The following OSR2 variants were observed in gnomAD, a reference collection of about 807,000 sequenced individuals.
OSR2 encodes protein odd-skipped-related 2.
OSR2 carries 8 observed loss-of-function variants against 22.3 expected under a neutral mutation model. The ratio of observed to expected loss-of-function variants is 0.36; its 90% CI spans 0.21 to 0.65. The LOEUF is 0.65. Among genes scored for constraint, OSR2 ranks in the 30% least tolerant of loss-of-function variants. OSR2 has a pLI of 0.66. For missense variants in OSR2, 311 were observed against 413.4 expected (o/e 0.75, Z 2.15); for synonymous variants, 179 against 173.8 (o/e 1.03, Z -0.23).
rs1052426408 is a variant in OSR2 at position 98,948,277 on chromosome 8, G to T, written c.-114-562G>T. 2.0e-6 allele frequency: 3 copies of T among 1,516,490 alleles called. No homozygotes were observed. The highest frequency in any genetic ancestry group is 2.6e-6 in the Non-Finnish European group (3 of 1,135,392). 93.9% of individuals were successfully genotyped at this position (1,516,490 alleles called of 1,614,324 possible). A position where few individuals can be genotyped will look rare whatever the true frequency, so the allele number is the denominator to read the frequency against. ...TGGCCCAGGAGGATGAAGCGCGCCG[G>T]CTTCGCTCTTGCACGCCGGCTTGCC... is the stretch of plus-strand genomic sequence containing the variant. On this transcript the variant is annotated intron_variant, in intron 1 of 3. Coordinates refer to ENST00000297565, the MANE Select transcript of OSR2 (RefSeq NM_001142462.3). This position sits in a 1 kb window ranked among gnomAD's most constrained non-coding sequence, Gnocchi z 6.0.
chr8:98,950,971 T>A (rs561708059), intron 3 of OSR2: 2 of 603,288 alleles, frequency 3.3e-6, no homozygotes, highest in East Asian at 5.5e-5. Flanking sequence ...GCCACTTTGA[T>A]TATCATAAAT....
In OSR2 at chr8:98,948,070, G is replaced by T; in HGVS notation, c.-114-769G>T. On this transcript the variant is annotated intron_variant, in intron 1 of 3. Transcript: ENST00000297565. The surrounding 1 kb of genome is among the most constrained non-coding windows in gnomAD (Gnocchi z 6.0). ...ACCATCTGGAAGGGATCTTAGTCGG[G>T]GGTTGGGAGGAGAGCCCGTGGATAG... The T allele has an allele frequency of 7.7e-7, 1 of 1,301,108 alleles. No individual in the cohort carries two copies. Among genetic ancestry groups the T allele is most frequent in the South Asian group, 2.1e-5 (1 of 47,976 alleles). The allele number at this position is 1,301,108 out of a possible 1,614,324, so 80.6% of individuals were successfully genotyped here. A position where few individuals can be genotyped will look rare whatever the true frequency, so the allele number is the denominator to read the frequency against.
rs539132239 is a variant in OSR2 at position 98,948,273 on chromosome 8, G to A, written c.-114-566G>A. 1.3e-3 allele frequency: 1,905 copies of A among 1,513,224 alleles called. 6 individuals are homozygous for A. Among genetic ancestry groups the A allele is most frequent in the Middle Eastern group, 1.5e-3 (9 of 5,908 alleles). 93.7% of individuals were successfully genotyped at this position (1,513,224 alleles called of 1,614,324 possible). On this transcript the variant is annotated intron_variant, in intron 1 of 3. Transcript: ENST00000297565. The surrounding 1 kb of genome is among the most constrained non-coding windows in gnomAD (Gnocchi z 6.0). ...CCTCTGGCCCAGGAGGATGAAGCGC[G>A]CCGGCTTCGCTCTTGCACGCCGGCT...
chr8:98,946,265 A>T (rs973894756), intron 1 of OSR2: 6 of 152,282 alleles, frequency 3.9e-5, no homozygotes, highest in African/African-American at 1.4e-4. Context: ...ACAGCAGATG[A>T]TGATCGCTGT....
chr8:98,948,710 T>G lies in OSR2; in HGVS notation c.-114-129T>G. ...AGGTGCCACGCAGTCCCCTCACGGC[T>G]TTCGGGGGGTCTTGGAGTCGGGTGG... On this transcript the variant is annotated intron_variant, in intron 1 of 3. Transcript: ENST00000297565. This position sits in a 1 kb window ranked among gnomAD's most constrained non-coding sequence, Gnocchi z 6.0. 2.5e-6 allele frequency: 3 copies of G among 1,219,386 alleles called. No individual in the cohort carries two copies. The highest frequency in any genetic ancestry group is 3.3e-6 in the Non-Finnish European group (3 of 901,506). 75.5% of individuals were successfully genotyped at this position (1,219,386 alleles called of 1,614,324 possible).
chr8:98,950,971 T>C (rs561708059), intron 3 of OSR2: 3 of 603,170 alleles, frequency 5.0e-6, no homozygotes, highest in Non-Finnish European at 8.8e-6. Flanking sequence ...GCCACTTTGA[T>C]TATCATAAAT....
Position 98,944,488 on chromosome 8 carries a change from G to C in OSR2, c.-450G>C, listed in dbSNP as rs2132077947. 6.6e-6 allele frequency: 1 copy of C among 152,438 alleles called. No homozygotes were observed. Among genetic ancestry groups the C allele is most frequent in the South Asian group, 2.1e-4 (1 of 4,828 alleles). The allele number at this position is 152,438 out of a possible 1,614,324, so 9.4% of individuals were successfully genotyped here. ...GGGGACGGAGCTCGGCGTGCTTGCT[G>C]CTGGAGGGTGATGGCCCTGCAAGGC... On this transcript the variant is annotated 5_prime_UTR_variant, in exon 1 of 4. Coordinates refer to ENST00000297565, the MANE Select transcript of OSR2 (RefSeq NM_001142462.3).
At chr8:98,945,372 G>A (rs561799355) in intron 1 of OSR2, among the ~76,000 whole-genome samples, 1 of 152,212 alleles carries the variant, frequency 6.6e-6, no homozygotes, top group Non-Finnish European at 1.5e-5. Flanking sequence ...CTCCCCGGGG[G>A]CTTAAACGCT....
chr8:98,951,853 C>T lies in OSR2; in HGVS notation c.*152C>T. On this transcript the variant is annotated 3_prime_UTR_variant, in exon 4 of 4. Coordinates refer to ENST00000297565, the MANE Select transcript of OSR2 (RefSeq NM_001142462.3). ...CTGCAGCTCCAGGGAGTTAACTCTT[C>T]TTCTGGGGGACTGAGAACTGTAGAA... 1.4e-6 allele frequency: 1 copy of T among 692,488 alleles called. No homozygotes were observed. Among genetic ancestry groups the T allele is most frequent in the Non-Finnish European group, 2.4e-6 (1 of 421,914 alleles). 42.9% of individuals were successfully genotyped at this position (692,488 alleles called of 1,614,324 possible).
Position 98,948,818 on chromosome 8 carries a change from T to C in OSR2, c.-114-21T>C. On this transcript the variant is annotated intron_variant, in intron 1 of 3. Transcript: ENST00000297565. This position sits in a 1 kb window ranked among gnomAD's most constrained non-coding sequence, Gnocchi z 6.0. ...TTGGATTATAGTCACGGTCTCTCCC[T>C]CTCTTCCCTGCCATTTTTAGGGCTT... 1 of 1,547,764 alleles carries C rather than the reference T, an allele frequency of 6.5e-7. No homozygotes were observed. Among genetic ancestry groups the C allele is most frequent in the Non-Finnish European group, 8.7e-7 (1 of 1,149,568 alleles).
intron 3 of OSR2, among the ~76,000 whole-genome samples, chr8:98,951,218 T>C (rs1587893355): frequency 6.6e-6 from 1 of 152,112 alleles, no homozygotes; most frequent in Non-Finnish European, 1.5e-5. Context: ...AGTTTTTCCT[T>C]CCCCCTTTTC....
In OSR2 at chr8:98,951,397, C is replaced by T. The variant is rs950208859; in HGVS notation, c.757-122C>T. ...AGCACGGATTTGTTCCTGCAAGTCTCCTCTTTTGTTGTCATGAGAGTGTTA... is the reference window on the plus strand; with the variant it reads ...AGCACGGATTTGTTCCTGCAAGTCTTCTCTTTTGTTGTCATGAGAGTGTTA... On this transcript the variant is annotated intron_variant, in intron 3 of 3. Coordinates refer to ENST00000297565, the MANE Select transcript of OSR2 (RefSeq NM_001142462.3). The T allele has an allele frequency of 2.0e-5, 19 of 936,986 alleles. No individual in the cohort carries two copies. In the East Asian group the frequency reaches 5.0e-4, roughly 25 times the overall value. 58.0% of individuals were successfully genotyped at this position (936,986 alleles called of 1,614,324 possible).
Position 98,951,681 on chromosome 8 carries a change from A to G in OSR2, c.919A>G (p.Thr307Ala). The G allele has an allele frequency of 6.2e-7, 1 of 1,613,104 alleles. No individual in the cohort carries two copies. The highest frequency in any genetic ancestry group is 8.5e-7 in the Non-Finnish European group (1 of 1,179,620). Residue 307 changes from threonine to alanine, a missense_variant, in exon 4 of 4, where the codon ACC becomes GCC. Around this residue, in one of 5 missense-constraint regions of OSR2, gnomAD observed 70 missense variants for 84.5 expected, o/e 0.83. Coordinates refer to ENST00000297565, the MANE Select transcript of OSR2 (RefSeq NM_001142462.3). ...TCTGCGGCGGCACAGCCTGACTCAC[A>G]CCCCGCGGCAGGACTTCTAGAGAAG... ...CDLRRHSLTHTPRQDF is the reference protein window; with the variant it reads ...CDLRRHSLTHAPRQDF
At chr8:98,945,402 A>C (rs577962860) in intron 1 of OSR2, among the ~76,000 whole-genome samples, 1 of 152,364 alleles carries the variant, frequency 6.6e-6, no homozygotes, top group Non-Finnish European at 1.5e-5. Flanking sequence ...GAGAAACGGC[A>C]AGTGAGAAAG....
At position 98,949,661 on chromosome 8, in the gene OSR2, C is replaced by T; in HGVS notation, c.656+53C>T. On this transcript the variant is annotated intron_variant, in intron 2 of 3. Coordinates refer to ENST00000297565, the MANE Select transcript of OSR2 (RefSeq NM_001142462.3). The surrounding 1 kb of genome is among the most constrained non-coding windows in gnomAD (Gnocchi z 5.9). ...AGAGGGAAAGCGAATTTGTCCTGGA[C>T]ACACCGAGTCCTGATAGACATTCCC... 1 of 1,552,668 alleles carries T rather than the reference C, an allele frequency of 6.4e-7. No individual in the cohort carries two copies. Among genetic ancestry groups the T allele is most frequent in the South Asian group, 1.2e-5 (1 of 81,756 alleles).
In OSR2 at chr8:98,947,660, C is replaced by T. The variant is rs543319941; in HGVS notation, c.-114-1179C>T. On this transcript the variant is annotated intron_variant, in intron 1 of 3. Transcript: ENST00000297565. ...GGGTCTGAAATCAGACCTGTGTTGC[C>T]ATTGGGAGCACGGAGAGAGGGGAAG... Among the ~76,000 whole-genome samples the T allele has an allele frequency of 8.7e-4, 132 of 152,290 alleles. 2 individuals carry two copies. The highest frequency in any genetic ancestry group is 3.1e-3 in the African/African-American group (130 of 41,558).
rs769888668 is a variant in OSR2, at chr8:98,951,682, C to T, written c.920C>T (p.Thr307Ile). ...CTGCGGCGGCACAGCCTGACTCACA[C>T]CCCGCGGCAGGACTTCTAGAGAAGC... ...CDLRRHSLTH[T>I]PRQDF Residue 307 changes from threonine (T) to isoleucine (I), a missense_variant, in exon 4 of 4, where the codon ACC becomes ATC. This residue lies in a region of OSR2 where 70 missense variants were observed against 84.5 expected (regional missense o/e 0.83). Transcript: ENST00000297565. The T allele has an allele frequency of 1.2e-6, 2 of 1,613,328 alleles. No individual in the cohort carries two copies. The highest frequency in any genetic ancestry group is 2.7e-5 in the African/African-American group (2 of 74,908).
Position 98,949,753 on chromosome 8 carries a change from A to G in OSR2, c.656+145A>G. On this transcript the variant is annotated intron_variant, in intron 2 of 3. Coordinates refer to ENST00000297565, the MANE Select transcript of OSR2 (RefSeq NM_001142462.3). The surrounding 1 kb of genome is among the most constrained non-coding windows in gnomAD (Gnocchi z 5.9). ...TCACGCTCCTCAGCCCGGTTCAGCTAATTCCCAACATCTACCCTTTCTTTC... is the reference window on the plus strand; with the variant it reads ...TCACGCTCCTCAGCCCGGTTCAGCTGATTCCCAACATCTACCCTTTCTTTC... The G allele has an allele frequency of 1.0e-6, 1 of 969,948 alleles. No homozygotes were observed. The highest frequency in any genetic ancestry group is 1.5e-6 in the Non-Finnish European group (1 of 664,836). The allele number at this position is 969,948 out of a possible 1,614,324, so 60.1% of individuals were successfully genotyped here.
In OSR2 at chr8:98,951,646, G is replaced by C; in HGVS notation, c.884G>C (p.Arg295Pro). Residue 295 changes from arginine (R) to proline (P), a missense_variant, in exon 4 of 4, where the codon CGA (arginine) becomes CCA (proline). Arg to Pro is a moderately radical substitution (Grantham distance 103, BLOSUM62 -2). Transcript: ENST00000297565. ...SCEQCGKVFR[R>P]NCDLRRHSLT... ...GAGCAGTGCGGCAAAGTGTTCAGGC[G>C]AAACTGTGATCTGCGGCGGCACAGC... 1 of 1,613,920 alleles carries C rather than the reference G, an allele frequency of 6.2e-7. No homozygotes were observed. The highest frequency in any genetic ancestry group is 8.5e-7 in the Non-Finnish European group (1 of 1,179,866).
Sources: gnomAD v4.1 joint callset for allele counts (sites outside exome capture counted in the v4.1 genomes callset) on GRCh38, gnomAD v4.1.1 for gene constraint, gnomAD v4.1.1 regional missense constraint, Gnocchi (gnomAD v3.1) non-coding constraint, MANE v1.5 for transcripts, NCBI Gene and HGNC (gene_info 2026-07-23, HGNC 2026-07-21) for gene names.